Variants in TLK2 observed in about 807,000 individuals in gnomAD.
TLK2 encodes serine/threonine-protein kinase tousled-like 2.
In TLK2, 6 loss-of-function variants were observed where a neutral mutation model predicts 117.3. The ratio of observed to expected loss-of-function variants is 0.05; its 90% CI spans 0.03 to 0.10. The LOEUF (loss-of-function observed/expected upper bound fraction) is 0.10, where lower values mean the gene tolerates loss of function less well. Among genes scored for constraint, TLK2 ranks in the 10% least tolerant of loss-of-function variants. The pLI, the probability that TLK2 is intolerant of heterozygous loss-of-function variation, is 1.00. For synonymous variants in TLK2, 257 were observed against 316.7 expected (o/e 0.81, Z 2.00); for missense variants, 299 against 901.2 (o/e 0.33, Z 8.56).
rs987668487 is a variant in TLK2, at chr17:62,479,263, C to A, written c.-33C>A. ...GGGTCGGGGCCCCTCCCGGGAGGAGCGTGGAGCGGCGGCGGCGGCGGCGGC... is the reference window on the plus strand; with the variant it reads ...GGGTCGGGGCCCCTCCCGGGAGGAGAGTGGAGCGGCGGCGGCGGCGGCGGC... On this transcript the variant is annotated 5_prime_UTR_variant, in exon 1 of 22. Transcript: ENST00000346027. The A allele has an allele frequency of 2.4e-5, 4 of 167,028 alleles. No individual in the cohort carries two copies. Among genetic ancestry groups the A allele is most frequent in the Non-Finnish European group, 5.0e-5 (4 of 80,224 alleles). The allele number at this position is 167,028 out of a possible 1,614,324, so 10.3% of individuals were successfully genotyped here. A position where few individuals can be genotyped will look rare whatever the true frequency, so the allele number is the denominator to read the frequency against.
At chr17:62,483,396 C>T (rs2071926750) in intron 2 of TLK2, among the ~76,000 whole-genome samples, 1 of 152,166 alleles carries the variant, frequency 6.6e-6, no homozygotes, top group Non-Finnish European at 1.5e-5. Flanking sequence ...AGTCATGTAA[C>T]TAAGGTATCA....
At chr17:62,520,886 G>A (rs556835835) in intron 3 of TLK2, 42 bp downstream of exon 3, 17 of 1,602,914 alleles carry the variant, frequency 1.1e-5, no homozygotes, top group Middle Eastern at 1.7e-4. Flanking sequence ...ATACTTGTAC[G>A]TTTGGGCCAG....
chr17:62,499,873 ATTAT>A (rs1253267083), intron 2 of TLK2, among the ~76,000 whole-genome samples: 1 of 151,898 alleles, frequency 6.6e-6, no homozygotes, highest in Non-Finnish European at 1.5e-5. Flanking sequence ...GAAAAAAAGA[ATTAT>A]TTGTTGTGAA....
At chr17:62,496,186 A>G (rs1227076696) in intron 2 of TLK2, among the ~76,000 whole-genome samples, 4 of 152,264 alleles carry the variant, frequency 2.6e-5, no homozygotes, top group South Asian at 2.1e-4. Context: ...TATATAAACT[A>G]TTGTGCATTT....
At chr17:62,573,497 A>G in intron 12 of TLK2, 130 bp downstream of exon 12, 1 of 1,253,970 alleles carries the variant, frequency 8.0e-7, no homozygotes, top group African/African-American at 1.5e-5. Flanking sequence ...AGTTACATTA[A>G]TGGATTTGCT....
At chr17:62,604,316 T>C (rs1164625908) in intron 19 of TLK2, among the ~76,000 whole-genome samples, 4 of 152,128 alleles carry the variant, frequency 2.6e-5, no homozygotes, top group Non-Finnish European at 4.4e-5. Flanking sequence ...TGAATACTTA[T>C]TTTAAAGAAG....
At chr17:62,501,329 A>G (rs538477584) in intron 2 of TLK2, among the ~76,000 whole-genome samples, 80 of 152,362 alleles carry the variant, frequency 5.3e-4, no homozygotes, top group African/African-American at 1.9e-3. Context: ...GTGCTTTAGA[A>G]GGAAACTTCA....
chr17:62,606,006 CAAAAAAAAA>C (rs71155942), intron 19 of TLK2, 115 bp from the exon 20 acceptor site: 1 of 132,306 alleles, frequency 7.6e-6, no homozygotes, highest in Non-Finnish European at 1.4e-5. Flanking sequence ...ACCCTGTCTC[CAAAAAAAAA>C]AAAAAAAAAA....
intron 16 of TLK2, 21 bp downstream of exon 16, chr17:62,586,247 T>A (rs756024949): frequency 2.9e-5 from 45 of 1,550,386 alleles, no homozygotes; most frequent in Non-Finnish European, 3.7e-5. Context: ...CTTGAGTGTC[T>A]GACTTTTTAA....
chr17:62,583,620 G>A (rs371334560), intron 15 of TLK2, among the ~76,000 whole-genome samples: 1 of 151,986 alleles, frequency 6.6e-6, no homozygotes, highest in African/African-American at 2.4e-5. Flanking sequence ...TGTCGTCCAG[G>A]CTGTAGTGTA....
intron 2 of TLK2, among the ~76,000 whole-genome samples, chr17:62,493,046 G>A (rs2073270003): frequency 1.3e-5 from 2 of 151,988 alleles, no homozygotes; most frequent in Non-Finnish European, 2.9e-5. Flanking sequence ...GCAGTGAGCC[G>A]AGATCATGCC....
At chr17:62,607,949 T>C (rs1345866348) in intron 20 of TLK2, 92 bp from the exon 21 acceptor site, 27 of 1,011,080 alleles carry the variant, frequency 2.7e-5, no homozygotes, top group Non-Finnish European at 3.8e-5. Context: ...AATTAGAAGA[T>C]GTCTTATCCT....
At chr17:62,542,442 C>G (rs1446387498) in intron 7 of TLK2, among the ~76,000 whole-genome samples, 2 of 152,140 alleles carry the variant, frequency 1.3e-5, no homozygotes, top group Non-Finnish European at 2.9e-5. Flanking sequence ...CTGTTTACTC[C>G]TCGTTATGAA....
chr17:62,565,090 A>G lies in TLK2; in HGVS notation c.921A>G (p.Ser307=), dbSNP rs951348780. The G allele has an allele frequency of 6.2e-7, 1 of 1,613,614 alleles. No homozygotes were observed. The highest frequency in any genetic ancestry group is 8.5e-7 in the Non-Finnish European group (1 of 1,179,564). ...GHFTTVRHGA[S]FTEQWTDGYA... ...TTACTACTGTCCGACACGGAGCCTCATTTACTGAACAGTGGACAGATGGTT... is the reference window on the plus strand; with the variant it reads ...TTACTACTGTCCGACACGGAGCCTCGTTTACTGAACAGTGGACAGATGGTT... The change falls in exon 11 of 22, where the codon TCA becomes TCG. Residue 307 remains serine (S), a synonymous_variant. Transcript: ENST00000346027.
At chr17:62,548,432 C>T (rs1481901822) in intron 7 of TLK2, among the ~76,000 whole-genome samples, 1 of 151,870 alleles carries the variant, frequency 6.6e-6, no homozygotes, top group African/African-American at 2.4e-5. Flanking sequence ...CAGGCACGCA[C>T]CACCACACCT....
chr17:62,537,073 C>T (rs1364927990), intron 7 of TLK2, among the ~76,000 whole-genome samples: 1 of 152,192 alleles, frequency 6.6e-6, no homozygotes, highest in African/African-American at 2.4e-5. Context: ...TCCTATTCCA[C>T]TTTCAGGGGC....
chr17:62,596,712 T>C (rs2082503084), intron 17 of TLK2, 38 bp downstream of exon 17: 1 of 1,569,452 alleles, frequency 6.4e-7, no homozygotes, highest in Non-Finnish European at 8.8e-7. Flanking sequence ...AGTTATATTA[T>C]TTTCTTGCAA....
rs777189609 is a variant in TLK2 at position 62,560,075 on chromosome 17, G to A, written c.780G>A (p.Lys260=). The A allele has an allele frequency of 1.7e-5, 27 of 1,611,528 alleles. No individual in the cohort carries two copies. The highest frequency in any genetic ancestry group is 6.7e-5 in the Admixed American group (4 of 59,742). The change falls in exon 10 of 22, where the codon AAG becomes AAA. Residue 260 remains lysine, a synonymous_variant. Transcript: ENST00000346027. ...DEQQKMLEKY[K]ERLNRCVTMS... ...AGCAAAAGATGCTAGAGAAATACAAGGAACGATTAAATAGATGTGTGACAA... is the reference window on the plus strand; with the variant it reads ...AGCAAAAGATGCTAGAGAAATACAAAGAACGATTAAATAGATGTGTGACAA...
chr17:62,600,849 A>G, intron 18 of TLK2, 29 bp downstream of exon 18: 1 of 1,558,952 alleles, frequency 6.4e-7, no homozygotes, highest in Non-Finnish European at 8.6e-7. Context: ...AGACAGTATT[A>G]GTGGGTTTTC....
Sources: gnomAD v4.1 joint callset for allele counts (sites outside exome capture counted in the v4.1 genomes callset) on GRCh38, gnomAD v4.1.1 for gene constraint, MANE v1.5 for transcripts, NCBI Gene and HGNC (gene_info 2026-07-23, HGNC 2026-07-21) for gene names.